The following RAB3IP variants were observed in gnomAD, a reference collection of about 807,000 sequenced individuals.
RAB3IP encodes rab-3A-interacting protein.
A neutral mutation model predicts 59.1 loss-of-function variants in RAB3IP; 36 were observed. The observed-to-expected ratio is 0.61, with a 90% confidence interval of 0.47 to 0.80. The LOEUF is 0.80. Ranked by LOEUF, RAB3IP falls within the 30% of genes least tolerant of loss-of-function variation. The probability of loss-of-function intolerance (pLI) is 0.00; values close to 1 mark genes in which losing one functional copy is unlikely to be tolerated. For missense variants in RAB3IP, 511 were observed against 536.0 expected (o/e 0.95, Z 0.46); for synonymous variants, 207 against 191.2 (o/e 1.08, Z -0.68).
At chr12:69,793,415 T>G (rs1359839999) in intron 4 of RAB3IP, among the ~76,000 whole-genome samples, 1 of 152,204 alleles carries the variant, frequency 6.6e-6, no homozygotes, top group Non-Finnish European at 1.5e-5. Flanking sequence ...TTGACAGATC[T>G]AGTGAGGGTG....
intron 1 of RAB3IP, among the ~76,000 whole-genome samples, chr12:69,740,485 T>G (rs2136087782): frequency 6.6e-6 from 1 of 152,368 alleles, no homozygotes; most frequent in African/African-American, 2.4e-5. Flanking sequence ...TTTTTTCCAT[T>G]ACAGTAATGT....
At position 69,810,467 on chromosome 12, in the gene RAB3IP, C is replaced by T. The variant is rs143400263; in HGVS notation, c.1131-2311C>T. On this transcript the variant is annotated intron_variant, in intron 8 of 10. Coordinates refer to ENST00000247833, the MANE Select transcript of RAB3IP (RefSeq NM_022456.5). ...AATCACCCGTCTTCTGTGTGGCTCA[C>T]GCTGGGAGCTGTAGACTGGAGCTGT... Among the ~76,000 whole-genome samples, 24 of 152,308 alleles carry T rather than the reference C, an allele frequency of 1.6e-4. No individual in the cohort carries two copies. In the East Asian group the frequency reaches 2.5e-3, roughly 16 times the overall value.
At chr12:69,760,971 A>G (rs530203649) in intron 3 of RAB3IP, among the ~76,000 whole-genome samples, 6 of 152,126 alleles carry the variant, frequency 3.9e-5, no homozygotes, top group Non-Finnish European at 7.4e-5. Flanking sequence ...TGGCCTTTAT[A>G]TCTTCAAAAA....
Position 69,813,000 on chromosome 12 carries a change from T to C in RAB3IP, c.1267T>C (p.Tyr423His). 1 of 1,613,700 alleles carries C rather than the reference T, an allele frequency of 6.2e-7. No homozygotes were observed. Among genetic ancestry groups the C allele is most frequent in the Non-Finnish European group, 8.5e-7 (1 of 1,179,634 alleles). ...ATGTAACTTTTTTACATACATTCGA[T>C]ACATTCAGCAGGGACTCGTGAAACA... ...SVCNFFTYIR[Y>H]IQQGLVKQQD... Residue 423 changes from tyrosine to histidine, a missense_variant, in exon 10 of 11, where the codon TAC becomes CAC. Coordinates refer to ENST00000247833, the MANE Select transcript of RAB3IP (RefSeq NM_022456.5).
In RAB3IP at chr12:69,806,242, G is replaced by A. The variant is rs1879247275; in HGVS notation, c.1130+4521G>A. Among the ~76,000 whole-genome samples the A allele has an allele frequency of 2.0e-5, 3 of 152,216 alleles. No individual in the cohort carries two copies. In the South Asian group the frequency reaches 6.2e-4, roughly 32 times the overall value. Reference sequence around the variant, plus strand: ...AGTCTTGGGAGAGTGTATGTGTCGAGGAATTTATCCATTTCTTCTAGATTT... The same window carrying A: ...AGTCTTGGGAGAGTGTATGTGTCGAAGAATTTATCCATTTCTTCTAGATTT... On this transcript the variant is annotated intron_variant, in intron 8 of 10. Transcript: ENST00000247833.
intron 1 of RAB3IP, among the ~76,000 whole-genome samples, chr12:69,744,769 T>C (rs1868259953): frequency 6.6e-6 from 1 of 152,112 alleles, no homozygotes; most frequent in Admixed American, 6.5e-5. Flanking sequence ...GGGAAAATTG[T>C]GTAGCCTGAT....
intron 4 of RAB3IP, among the ~76,000 whole-genome samples, chr12:69,790,473 A>G (rs1287531297): frequency 5.3e-5 from 8 of 152,338 alleles, no homozygotes; most frequent in East Asian, 1.9e-4. Context: ...TAAAATGTCT[A>G]TTCTACCCAA....
At chr12:69,805,199 A>G (rs990314076) in intron 8 of RAB3IP, among the ~76,000 whole-genome samples, 2 of 152,116 alleles carry the variant, frequency 1.3e-5, no homozygotes, top group African/African-American at 4.8e-5. Flanking sequence ...TTCTCCTTGA[A>G]GAGGTCCTTC....
chr12:69,801,810 T>C, intron 8 of RAB3IP, 89 bp downstream of exon 8: 1 of 785,748 alleles, frequency 1.3e-6, no homozygotes. Flanking sequence ...GTTTTAAATG[T>C]AGTTATATTT....
intron 4 of RAB3IP, among the ~76,000 whole-genome samples, chr12:69,788,747 G>T (rs1330202089): frequency 6.6e-6 from 1 of 152,064 alleles, no homozygotes; most frequent in Non-Finnish European, 1.5e-5. Flanking sequence ...AACAGCAAAA[G>T]AATATACATT....
chr12:69,812,758 A>T lies in RAB3IP; in HGVS notation c.1131-20A>T, dbSNP rs776415634. 5.8e-6 allele frequency: 9 copies of T among 1,559,750 alleles called. No individual in the cohort carries two copies. Among genetic ancestry groups the T allele is most frequent in the Non-Finnish European group, 6.1e-6 (7 of 1,142,884 alleles). ...AATGCTTTTCATTTCAAAAAACTGA[A>T]ATTTATCATTATTTCACAGAAAATG... is the stretch of plus-strand genomic sequence containing the variant. On this transcript the variant is annotated intron_variant, in intron 8 of 10. Coordinates refer to ENST00000247833, the MANE Select transcript of RAB3IP (RefSeq NM_022456.5).
chr12:69,759,625 C>T (rs1375427164), intron 3 of RAB3IP, among the ~76,000 whole-genome samples: 1 of 149,698 alleles, frequency 6.7e-6, no homozygotes, highest in Admixed American at 6.6e-5. Context: ...CCCCACCTCC[C>T]TCCTGGACGG....
chr12:69,815,594 T>C lies in RAB3IP; in HGVS notation c.*148T>C. 1 of 578,434 alleles carries C rather than the reference T, an allele frequency of 1.7e-6. No homozygotes were observed. Among genetic ancestry groups the C allele is most frequent in the Non-Finnish European group, 3.1e-6 (1 of 326,058 alleles). 35.8% of individuals were successfully genotyped at this position (578,434 alleles called of 1,614,324 possible). The stretch of plus-strand genomic sequence containing the variant: ...GCTCTAAGAAGTACCATGATTTCTT[T>C]TAAACTGATCTATGCTGTGTTTGCT... On this transcript the variant is annotated 3_prime_UTR_variant, in exon 11 of 11. Transcript: ENST00000247833.
At chr12:69,754,602 G>A (rs1869892751) in intron 1 of RAB3IP, among the ~76,000 whole-genome samples, 1 of 152,138 alleles carries the variant, frequency 6.6e-6, no homozygotes, top group South Asian at 2.1e-4. Context: ...ACGATATATT[G>A]TAAATTCTTG....
At chr12:69,810,494 C>G (rs1041614191) in intron 8 of RAB3IP, among the ~76,000 whole-genome samples, 6 of 152,174 alleles carry the variant, frequency 3.9e-5, no homozygotes, top group African/African-American at 1.4e-4. Flanking sequence ...TGGAGCTGTT[C>G]CTATTCGGCC....
chr12:69,796,642 T>C (rs563916490), intron 6 of RAB3IP: 26 of 626,654 alleles, frequency 4.1e-5, no homozygotes, highest in Non-Finnish European at 6.6e-5. Context: ...AAAATGATGC[T>C]GGTAAGAGAG....
At chr12:69,781,901 G>A (rs1290813813) in intron 3 of RAB3IP, among the ~76,000 whole-genome samples, 2 of 152,190 alleles carry the variant, frequency 1.3e-5, no homozygotes, top group African/African-American at 4.8e-5. Context: ...AAGTGTGATC[G>A]CTGGATCCCA....
chr12:69,821,791 A>C lies in RAB3IP; in HGVS notation c.*6345A>C, dbSNP rs1882192. ...GTGACTCCACCTGTCGGGTGGCTAC[A>C]CCCTTGCTCAGGGTATGCACTCCAT... On this transcript the variant is annotated 3_prime_UTR_variant, in exon 11 of 11. Transcript: ENST00000247833. 50,777 of 151,892 alleles carry C rather than the reference A, an allele frequency of 0.33. 8,788 individuals are homozygous for C. The highest frequency in any genetic ancestry group is 0.38 in the South Asian group (1,806 of 4,816). 9.4% of individuals were successfully genotyped at this position (151,892 alleles called of 1,614,324 possible). A position where few individuals can be genotyped will look rare whatever the true frequency, so the allele number is the denominator to read the frequency against.
At chr12:69,800,085 C>T (rs879801450) in intron 6 of RAB3IP, 124 bp from the exon 7 acceptor site, 10 of 688,238 alleles carry the variant, frequency 1.5e-5, no homozygotes, top group Admixed American at 1.2e-4. Flanking sequence ...AAGAGTGGTT[C>T]AATTTATTAT....
Sources: allele counts gnomAD v4.1 joint callset (sites outside exome capture counted in the v4.1 genomes callset), GRCh38; gene constraint gnomAD v4.1.1; transcripts MANE v1.5; gene names NCBI Gene and HGNC (gene_info 2026-07-23, HGNC 2026-07-21).